The following ABCA13 variants were observed in gnomAD, a reference collection of about 807,000 sequenced individuals.
The protein encoded by ABCA13 is ATP-binding cassette sub-family A member 13.
In ABCA13, 476 loss-of-function variants were observed where a neutral mutation model predicts 478.7. The ratio of observed to expected loss-of-function variants is 0.99; its 90% CI spans 0.92 to 1.07. The LOEUF (loss-of-function observed/expected upper bound fraction) is 1.07, where lower values mean the gene tolerates loss of function less well. ABCA13 is among the 50% of genes least tolerant of loss of function. The pLI is 0.00. For synonymous variants in ABCA13, 2,252 were observed against 2,158.9 expected (o/e 1.04, Z -1.20); for missense variants, 6,060 against 5,910.6 (o/e 1.03, Z -0.83).
intron 15 of ABCA13, among the ~76,000 whole-genome samples, chr7:48,253,612 A>C (rs1428988727): frequency 2.0e-5 from 3 of 152,144 alleles, no homozygotes; most frequent in African/African-American, 7.2e-5. Context: ...TTGCCTCCCA[A>C]GTAGCTGGGA....
intron 41 of ABCA13, among the ~76,000 whole-genome samples, chr7:48,422,081 A>G (rs55786954): frequency 1.5e-4 from 20 of 135,272 alleles, no homozygotes; most frequent in Middle Eastern, 3.7e-3. Flanking sequence ...AAAAAAAAAA[A>G]AAAGAAAAAA....
At chr7:48,625,949 T>A (rs970806408) in intron 59 of ABCA13, among the ~76,000 whole-genome samples, 2 of 152,146 alleles carry the variant, frequency 1.3e-5, no homozygotes, top group African/African-American at 4.8e-5. Context: ...TAATTAGAGA[T>A]GATGAAAATG....
At chr7:48,268,881 T>A in intron 15 of ABCA13, 99 bp from the exon 16 acceptor site, 1 of 402,320 alleles carries the variant, frequency 2.5e-6, no homozygotes, top group Non-Finnish European at 4.6e-6. Flanking sequence ...TTTAACATTT[T>A]CAACCATATT....
rs78734445 is a variant in ABCA13, at chr7:48,516,732, A to G, written c.13648A>G (p.Thr4550Ala). The change falls in exon 52 of 62, where the codon ACT (threonine) becomes GCT (alanine). Residue 4550 changes from threonine to alanine, a missense_variant. This residue lies in a region of ABCA13 where 1,627 missense variants were observed against 1,571.0 expected (regional missense o/e 1.04). Coordinates refer to ENST00000435803, the MANE Select transcript of ABCA13 (RefSeq NM_152701.5). ...ALLLSLFGYATLPWMYLMSRI... is the reference protein window; with the variant it reads ...ALLLSLFGYAALPWMYLMSRI... ...TTTCACTTTACTTTTCAGATATGCA[A>G]CTCTTCCATGGATGTACCTGATGTC... is the stretch of plus-strand genomic sequence containing the variant. 7,678 of 1,613,222 alleles carry G rather than the reference A, an allele frequency of 4.8e-3. 33 individuals are homozygous for G. Among genetic ancestry groups the G allele is most frequent in the Non-Finnish European group, 5.3e-3 (6,197 of 1,179,522 alleles).
chr7:48,347,037 A>G (rs1247886564), intron 29 of ABCA13, among the ~76,000 whole-genome samples: 5 of 152,214 alleles, frequency 3.3e-5, no homozygotes, highest in Non-Finnish European at 7.3e-5. Flanking sequence ...TTTAGAAATC[A>G]GAAGAACCCT....
chr7:48,404,858 TC>T (rs1818055567), intron 39 of ABCA13, among the ~76,000 whole-genome samples: 1 of 152,312 alleles, frequency 6.6e-6, no homozygotes, highest in South Asian at 2.1e-4. Flanking sequence ...TTTCTTTCTG[TC>T]CCACAATTTT....
intron 27 of ABCA13, among the ~76,000 whole-genome samples, chr7:48,324,560 C>A (rs922070723): frequency 6.6e-6 from 1 of 152,178 alleles, no homozygotes. Flanking sequence ...AACTTGTGAA[C>A]CCTGTCCTTA....
At chr7:48,296,214 A>G (rs1381276453) in intron 21 of ABCA13, among the ~76,000 whole-genome samples, 1 of 152,108 alleles carries the variant, frequency 6.6e-6, no homozygotes, top group East Asian at 1.9e-4. Flanking sequence ...ACATAGCAAG[A>G]CCCTGTCTCT....
chr7:48,183,718 C>T lies in ABCA13; in HGVS notation c.70-9241C>T, dbSNP rs193133336. Among the ~76,000 whole-genome samples, 9 of 152,326 alleles carry T rather than the reference C, an allele frequency of 5.9e-5. No individual in the cohort carries two copies. In the South Asian group the frequency reaches 6.2e-4, roughly 11 times the overall value. Reference sequence around the variant, plus strand: ...CCCCAGTCCCTGTAACAGTGCCTGACGTGGTACACAATTCCGAATGAACGA... The same window carrying T: ...CCCCAGTCCCTGTAACAGTGCCTGATGTGGTACACAATTCCGAATGAACGA... On this transcript the variant is annotated intron_variant, in intron 1 of 61. Transcript: ENST00000435803.
intron 45 of ABCA13, among the ~76,000 whole-genome samples, chr7:48,474,520 A>G (rs1400152991): frequency 6.6e-6 from 1 of 152,168 alleles, no homozygotes; most frequent in Non-Finnish European, 1.5e-5. Context: ...TGAAATAGAT[A>G]ATGAGATTTC....
At chr7:48,609,501 G>T (rs1414861021) in intron 58 of ABCA13, among the ~76,000 whole-genome samples, 1 of 152,040 alleles carries the variant, frequency 6.6e-6, no homozygotes, top group Non-Finnish European at 1.5e-5. Context: ...GCCTCTTCTG[G>T]TTCCTTACCC....
chr7:48,524,515 G>A lies in ABCA13; in HGVS notation c.14244+75G>A, dbSNP rs955246484. 3.0e-6 allele frequency: 4 copies of A among 1,351,228 alleles called. No homozygotes were observed. The African/African-American group carries it at 6.0e-5, about 20-fold the overall frequency. The allele number at this position is 1,351,228 out of a possible 1,614,324, so 83.7% of individuals were successfully genotyped here. On this transcript the variant is annotated intron_variant, in intron 54 of 61. Coordinates refer to ENST00000435803, the MANE Select transcript of ABCA13 (RefSeq NM_152701.5). ...TCTAGTAGCTGATCTGCTTGTGTTA[G>A]TCTCAGAATATTTGAAATCAGAGCC...
intron 53 of ABCA13, among the ~76,000 whole-genome samples, chr7:48,520,926 G>T (rs73332075): frequency 4.5e-4 from 68 of 152,316 alleles, no homozygotes; most frequent in African/African-American, 1.6e-3. Context: ...GGAAAATTCA[G>T]TACAGATGTC....
chr7:48,310,154 T>C lies in ABCA13; in HGVS notation c.9516+13T>C. 1 of 1,594,264 alleles carries C rather than the reference T, an allele frequency of 6.3e-7. No homozygotes were observed. The highest frequency in any genetic ancestry group is 1.1e-5 in the South Asian group (1 of 87,160). On this transcript the variant is annotated intron_variant, in intron 24 of 61. Transcript: ENST00000435803. ...TTTCATTTACAAGGTATGGAGAGCA[T>C]GCTGGCTGGGGGCAGTCCTCTGCAG...
chr7:48,643,530 C>A, intron 60 of ABCA13, 137 bp downstream of exon 60: 1 of 691,328 alleles, frequency 1.4e-6, no homozygotes, highest in Non-Finnish European at 2.4e-6. Context: ...AGTATAGGCC[C>A]TGCCTCCCTA....
At chr7:48,221,390 T>A (rs1787341881) in intron 5 of ABCA13, 81 bp downstream of exon 5, 1 of 701,054 alleles carries the variant, frequency 1.4e-6, no homozygotes, top group Non-Finnish European at 2.2e-6. Flanking sequence ...TAAGTTTACA[T>A]TTTCAAAGAT....
rs114680340 is a variant in ABCA13, at chr7:48,456,589, G to A, written c.12815+1303G>A. 3.0e-3 allele frequency among the ~76,000 whole-genome samples: 451 copies of A among 152,230 alleles called. 2 individuals carry two copies. Among genetic ancestry groups the A allele is most frequent in the African/African-American group, 1.0e-2 (415 of 41,544 alleles). On this transcript the variant is annotated intron_variant, in intron 43 of 61. Transcript: ENST00000435803. ...ATAATACTTGTATCTACATGCATTT[G>A]TATTTGTTATCACAATGAGATTACA...
intron 48 of ABCA13, among the ~76,000 whole-genome samples, chr7:48,491,108 G>A (rs1829800588): frequency 6.6e-6 from 1 of 152,226 alleles, no homozygotes; most frequent in South Asian, 2.1e-4. Flanking sequence ...AGAAATGGCA[G>A]GGAGAAGAGA....
intron 16 of ABCA13, among the ~76,000 whole-genome samples, chr7:48,270,983 GA>G (rs1273168652): frequency 1.3e-5 from 2 of 152,152 alleles, no homozygotes; most frequent in African/African-American, 4.8e-5. Context: ...TGCGTCGCGA[GA>G]TCATTCACAG....
Sources: allele counts gnomAD v4.1 joint callset (sites outside exome capture counted in the v4.1 genomes callset), GRCh38; gene constraint gnomAD v4.1.1; regional missense constraint gnomAD v4.1.1; transcripts MANE v1.5; gene names NCBI Gene and HGNC (gene_info 2026-07-23, HGNC 2026-07-21).